The following TMPRSS11D variants were observed in gnomAD, a reference collection of about 807,000 sequenced individuals.
TMPRSS11D encodes transmembrane protease serine 11D.
A neutral mutation model predicts 44.4 loss-of-function variants in TMPRSS11D; 32 were observed. That is an observed-to-expected ratio of 0.72 (90% CI 0.54 to 0.97). The LOEUF (loss-of-function observed/expected upper bound fraction) is 0.97. Among genes scored for constraint, TMPRSS11D ranks in the 50% least tolerant of loss-of-function variants. TMPRSS11D has a pLI of 0.00. For synonymous variants in TMPRSS11D, 179 were observed against 177.9 expected (o/e 1.01, Z -0.05); for missense variants, 446 against 502.6 (o/e 0.89, Z 1.08).
Position 67,827,297 on chromosome 4 carries a change from C to G in TMPRSS11D, c.916G>C (p.Ala306Pro), listed in dbSNP as rs564502914. 14 of 1,612,834 alleles carry G rather than the reference C, an allele frequency of 8.7e-6. No individual in the cohort carries two copies. The East Asian group carries it at 2.2e-4, about 26-fold the overall frequency. Residue 306 changes from alanine to proline, a missense_variant, in exon 8 of 10, where the codon GCT becomes CCT. Transcript: ENST00000283916. The part of the protein sequence containing the change: ...ATQNIPPGST[A>P]YVTGWGAQEY... Reference sequence around the variant, plus strand: ...TGAGCGCCCCATCCTGTTACATAAGCAGTAGAGCCAGGTGGAATATTCTGG... The same window carrying G: ...TGAGCGCCCCATCCTGTTACATAAGGAGTAGAGCCAGGTGGAATATTCTGG...
intron 3 of TMPRSS11D, among the ~76,000 whole-genome samples, chr4:67,845,988 CCTT>C (rs1342704043): frequency 2.6e-5 from 4 of 152,042 alleles, no homozygotes; most frequent in African/African-American, 7.2e-5. Context: ...AGATTAATCA[CCTT>C]CTTTAGTGCA....
intron 3 of TMPRSS11D, among the ~76,000 whole-genome samples, chr4:67,845,435 C>T (rs1560541657): frequency 6.6e-6 from 1 of 152,140 alleles, no homozygotes; most frequent in Non-Finnish European, 1.5e-5. Flanking sequence ...ACCATATAAA[C>T]TTTCTTCCTC....
At chr4:67,855,345 T>A (rs1288207608) in intron 2 of TMPRSS11D, among the ~76,000 whole-genome samples, 1 of 151,390 alleles carries the variant, frequency 6.6e-6, no homozygotes, top group Non-Finnish European at 1.5e-5. Context: ...TCCAACAGCA[T>A]ATCAAAAAGA....
chr4:67,880,714 A>G (rs979004318), intron 1 of TMPRSS11D, among the ~76,000 whole-genome samples: 1 of 151,984 alleles, frequency 6.6e-6, no homozygotes, highest in African/African-American at 2.4e-5. Flanking sequence ...TCACTGCAAC[A>G]CTGAACTTCT....
At chr4:67,875,603 G>T (rs1238719606) in intron 1 of TMPRSS11D, among the ~76,000 whole-genome samples, 1 of 152,234 alleles carries the variant, frequency 6.6e-6, no homozygotes, top group Non-Finnish European at 1.5e-5. Context: ...GAGAGACAGC[G>T]CAGCTGAGAG....
chr4:67,827,620 T>G (rs958219887), intron 7 of TMPRSS11D, 100 bp from the exon 8 acceptor site: 1 of 1,285,026 alleles, frequency 7.8e-7, no homozygotes, highest in Non-Finnish European at 1.0e-6. Flanking sequence ...CTAGAAACTA[T>G]TGGATCCACA....
intron 1 of TMPRSS11D, among the ~76,000 whole-genome samples, chr4:67,862,825 C>T (rs541098719): frequency 9.9e-5 from 15 of 151,810 alleles, no homozygotes; most frequent in Non-Finnish European, 1.8e-4. Context: ...CCAAACACCG[C>T]ATGTTCTCGC....
chr4:67,831,694 T>A (rs920924039), intron 7 of TMPRSS11D, among the ~76,000 whole-genome samples: 1 of 152,124 alleles, frequency 6.6e-6, no homozygotes, highest in African/African-American at 2.4e-5. Context: ...GCCTTTCAAG[T>A]GGCAATGAAA....
intron 1 of TMPRSS11D, among the ~76,000 whole-genome samples, chr4:67,881,064 T>C (rs1354633151): frequency 1.3e-5 from 2 of 152,190 alleles, no homozygotes; most frequent in Non-Finnish European, 2.9e-5. Context: ...AGAGAAGGAA[T>C]ACTCCCCAAA....
At chr4:67,842,706 T>C in intron 3 of TMPRSS11D, 81 bp from the exon 4 acceptor site, 3 of 1,266,276 alleles carry the variant, frequency 2.4e-6, no homozygotes, top group Non-Finnish European at 2.3e-6. Context: ...ACATGAGACA[T>C]GTTAATGAGG....
chr4:67,877,674 C>T (rs957477144), intron 1 of TMPRSS11D, among the ~76,000 whole-genome samples: 4 of 152,114 alleles, frequency 2.6e-5, no homozygotes, highest in Admixed American at 6.5e-5. Context: ...CAAAATTCAC[C>T]AAGTTACTCA....
chr4:67,878,163 T>C (rs985732774), intron 1 of TMPRSS11D, among the ~76,000 whole-genome samples: 6 of 152,230 alleles, frequency 3.9e-5, no homozygotes, highest in Middle Eastern at 3.2e-3. Flanking sequence ...TTGCCTGCCT[T>C]TAAGTTTCTG....
chr4:67,872,586 G>A (rs1346546287), intron 1 of TMPRSS11D, among the ~76,000 whole-genome samples: 1 of 152,122 alleles, frequency 6.6e-6, no homozygotes, highest in Non-Finnish European at 1.5e-5. Context: ...CCTTAAACAC[G>A]TGAAGTTTCT....
intron 1 of TMPRSS11D, among the ~76,000 whole-genome samples, chr4:67,875,188 A>G (rs1170568079): frequency 1.3e-5 from 2 of 152,194 alleles, no homozygotes; most frequent in African/African-American, 2.4e-5. Flanking sequence ...TTTGATGCCT[A>G]TACAATGTGT....
intron 7 of TMPRSS11D, among the ~76,000 whole-genome samples, chr4:67,829,447 TA>T (rs11322109): frequency 0.027 from 296 of 11,168 alleles, 1 homozygote; most frequent in African/African-American, 0.046. Context: ...ACAGTAGCGT[TA>T]AAAAAAAAAA....
intron 4 of TMPRSS11D, among the ~76,000 whole-genome samples, chr4:67,840,375 C>T (rs1718204605): frequency 6.6e-6 from 1 of 152,066 alleles, no homozygotes; most frequent in African/African-American, 2.4e-5. Flanking sequence ...CCTCCCACAA[C>T]ATGTGGGTAT....
chr4:67,838,641 A>T (rs1195215762), intron 4 of TMPRSS11D, among the ~76,000 whole-genome samples: 1 of 152,100 alleles, frequency 6.6e-6, no homozygotes, highest in African/African-American at 2.4e-5. Context: ...GTTTCTTCAC[A>T]TGTAAAATGG....
rs539353807 is a variant in TMPRSS11D at position 67,852,833 on chromosome 4, A to G, written c.249+1235T>C. Among the ~76,000 whole-genome samples the G allele has an allele frequency of 2.1e-3, 313 of 152,306 alleles. 2 individuals are homozygous for G. In the Middle Eastern group the frequency reaches 0.031, roughly 15 times the overall value. ...CAACCCGACCAAATGTTGTGGATAT[A>G]TAAAAATGGAATGGATATGGAGCTG... On this transcript the variant is annotated intron_variant, in intron 3 of 9. Coordinates refer to ENST00000283916, the MANE Select transcript of TMPRSS11D (RefSeq NM_004262.3).
At chr4:67,845,188 T>C (rs1718329963) in intron 3 of TMPRSS11D, among the ~76,000 whole-genome samples, 2 of 152,098 alleles carry the variant, frequency 1.3e-5, no homozygotes, top group South Asian at 4.1e-4. Flanking sequence ...AGAAAGCAAG[T>C]TGATTAATTG....
Sources: gnomAD v4.1 joint callset for allele counts (sites outside exome capture counted in the v4.1 genomes callset) on GRCh38, gnomAD v4.1.1 for gene constraint, MANE v1.5 for transcripts, NCBI Gene and HGNC (gene_info 2026-07-23, HGNC 2026-07-21) for gene names.